The following RAPGEF4 variants were observed in gnomAD, a reference collection of about 807,000 sequenced individuals.
RAPGEF4 encodes Rap guanine nucleotide exchange factor 4, also known as RAP guanine-nucleotide-exchange factor (GEF) 4.
Under a neutral mutation model 147.9 loss-of-function variants are expected in RAPGEF4, and 66 were observed. That is an observed-to-expected ratio of 0.45 (90% CI 0.37 to 0.55). RAPGEF4 has a LOEUF of 0.55. Ranked by LOEUF, RAPGEF4 falls within the 20% of genes least tolerant of loss-of-function variation. RAPGEF4 has a pLI of 0.00. For missense variants in RAPGEF4, 1,071 were observed against 1,257.3 expected, an observed-to-expected ratio of 0.85 and a Z score of 2.24; for synonymous variants, 419 against 442.7, an observed-to-expected ratio of 0.95 and a Z score of 0.67.
chr2:172,849,344 G>A (rs1692565300), intron 4 of RAPGEF4, among the ~76,000 whole-genome samples: 1 of 152,116 alleles, frequency 6.6e-6, no homozygotes, highest in Non-Finnish European at 1.5e-5. Context: ...ATTCTAATAA[G>A]AGCCCTTTAT....
chr2:172,969,077 C>G (rs550193781), intron 10 of RAPGEF4, among the ~76,000 whole-genome samples: 1 of 152,320 alleles, frequency 6.6e-6, no homozygotes, highest in South Asian at 2.1e-4. Context: ...GTGGCTAGGA[C>G]CAAGGGCTGC....
At chr2:172,926,160 A>G (rs1293769114) in intron 6 of RAPGEF4, among the ~76,000 whole-genome samples, 1 of 152,060 alleles carries the variant, frequency 6.6e-6, no homozygotes, top group South Asian at 2.1e-4. Context: ...TAGGGTTGTG[A>G]TTGTTAAAGG....
At chr2:172,837,644 A>G (rs1691111276) in intron 4 of RAPGEF4, among the ~76,000 whole-genome samples, 1 of 152,148 alleles carries the variant, frequency 6.6e-6, no homozygotes, top group Non-Finnish European at 1.5e-5. Flanking sequence ...GGGTAATTGT[A>G]GCTCACTGTG....
intron 4 of RAPGEF4, among the ~76,000 whole-genome samples, chr2:172,879,582 C>A (rs1696370709): frequency 1.3e-5 from 2 of 152,090 alleles, no homozygotes; most frequent in African/African-American, 2.4e-5. Context: ...GAGCAGATCA[C>A]TTGAGTCCAG....
At chr2:172,890,850 T>A (rs1051697618) in intron 4 of RAPGEF4, among the ~76,000 whole-genome samples, 5 of 152,148 alleles carry the variant, frequency 3.3e-5, no homozygotes, top group African/African-American at 1.2e-4. Context: ...TATTAACAGA[T>A]CAGGTGTGGT....
At chr2:172,901,550 G>C (rs1423329009) in intron 4 of RAPGEF4, among the ~76,000 whole-genome samples, 1 of 152,178 alleles carries the variant, frequency 6.6e-6, no homozygotes, top group East Asian at 1.9e-4. Flanking sequence ...ATGAAAATGT[G>C]CCCTTTGGCA....
chr2:172,762,338 T>C (rs1696427635), intron 1 of RAPGEF4, among the ~76,000 whole-genome samples: 1 of 152,192 alleles, frequency 6.6e-6, no homozygotes, highest in African/African-American at 2.4e-5. Flanking sequence ...TCCTGAGATA[T>C]AGACTGCCCC....
rs1039464219 is a variant in RAPGEF4, at chr2:173,017,323, C to T, written c.1930-103C>T. 5 of 1,478,710 alleles carry T rather than the reference C, an allele frequency of 3.4e-6. No individual in the cohort carries two copies. In the African/African-American group the frequency reaches 7.0e-5, roughly 21 times the overall value. The allele number at this position is 1,478,710 out of a possible 1,614,324, so 91.6% of individuals were successfully genotyped here. A position where few individuals can be genotyped will look rare whatever the true frequency, so the allele number is the denominator to read the frequency against. On this transcript the variant is annotated intron_variant, in intron 20 of 30. Transcript: ENST00000397081. ...TTTTTGTAGACGTGAAATATATTGTCTTCATTTCTTGACTCTGCTTGCTTC... is the reference window on the plus strand; with the variant it reads ...TTTTTGTAGACGTGAAATATATTGTTTTCATTTCTTGACTCTGCTTGCTTC...
At chr2:172,885,536 TG>T (rs1260028604) in intron 4 of RAPGEF4, among the ~76,000 whole-genome samples, 2 of 152,182 alleles carry the variant, frequency 1.3e-5, no homozygotes, top group Non-Finnish European at 2.9e-5. Context: ...TCCACGTGGC[TG>T]GGAAGGCCTC....
At chr2:172,836,495 G>GTTT (rs1317436756) in intron 4 of RAPGEF4, among the ~76,000 whole-genome samples, 30 of 152,130 alleles carry the variant, frequency 2.0e-4, no homozygotes, top group Admixed American at 3.9e-4. Flanking sequence ...GCTCTGTTTG[G>GTTT]GTGTTGCCTG....
intron 4 of RAPGEF4, chr2:172,859,929 G>C (rs1235469102): frequency 1.4e-6 from 1 of 691,800 alleles, no homozygotes; most frequent in Admixed American, 6.3e-5. Flanking sequence ...GAGGAGGCTC[G>C]GTAGAATAAA....
At chr2:172,806,535 G>T (rs968419539) in intron 3 of RAPGEF4, among the ~76,000 whole-genome samples, 1 of 152,200 alleles carries the variant, frequency 6.6e-6, no homozygotes, top group African/African-American at 2.4e-5. Flanking sequence ...GAGGGTCTGT[G>T]CTTTTTGAAA....
intron 6 of RAPGEF4, among the ~76,000 whole-genome samples, chr2:172,922,855 A>G (rs1197282072): frequency 1.3e-5 from 2 of 152,262 alleles, no homozygotes; most frequent in Non-Finnish European, 2.9e-5. Flanking sequence ...AAGAGTGGTC[A>G]TGGTTTAGTG....
chr2:172,783,341 G>A (rs1371626156), intron 1 of RAPGEF4, among the ~76,000 whole-genome samples: 1 of 152,204 alleles, frequency 6.6e-6, no homozygotes, highest in Non-Finnish European at 1.5e-5. Context: ...TCTCATTTGG[G>A]ATCTTGAGGG....
chr2:172,814,454 A>T (rs746229684), intron 4 of RAPGEF4, 29 bp downstream of exon 4: 1 of 1,612,590 alleles, frequency 6.2e-7, no homozygotes, highest in Non-Finnish European at 8.5e-7. Flanking sequence ...TTGTCAATTA[A>T]TGCAGTTTCA....
At chr2:172,819,178 A>G (rs1688802984) in intron 4 of RAPGEF4, among the ~76,000 whole-genome samples, 2 of 151,824 alleles carry the variant, frequency 1.3e-5, no homozygotes, top group African/African-American at 4.8e-5. Context: ...GTCAGATCTG[A>G]GGGTACTGGG....
intron 1 of RAPGEF4, among the ~76,000 whole-genome samples, chr2:172,742,181 G>A (rs1162105587): frequency 1.3e-5 from 2 of 152,176 alleles, no homozygotes; most frequent in South Asian, 2.1e-4. Flanking sequence ...TAAACAACTT[G>A]ACGTTAGTTC....
chr2:172,747,952 G>A (rs919391477), intron 1 of RAPGEF4, among the ~76,000 whole-genome samples: 24 of 152,118 alleles, frequency 1.6e-4, no homozygotes, highest in South Asian at 6.2e-4. Flanking sequence ...TTCACTTAGC[G>A]TACTGTCCTT....
intron 1 of RAPGEF4, among the ~76,000 whole-genome samples, chr2:172,772,809 A>C (rs1311816499): frequency 2.6e-5 from 4 of 152,210 alleles, no homozygotes; most frequent in Admixed American, 2.6e-4. Context: ...GTCTGGGGGA[A>C]GACAGAAGTT....
Sources: gnomAD v4.1 joint callset for allele counts (sites outside exome capture counted in the v4.1 genomes callset) on GRCh38, gnomAD v4.1.1 for gene constraint, MANE v1.5 for transcripts, NCBI Gene and HGNC (gene_info 2026-07-23, HGNC 2026-07-21) for gene names.